The following MALT1 variants were observed in gnomAD, a reference collection of about 807,000 sequenced individuals.
MALT1 encodes the protein MALT1 paracaspase, also known as mucosa-associated lymphoid tissue lymphoma translocation protein 1.
Under a neutral mutation model 85.5 loss-of-function variants are expected in MALT1, and 36 were observed. The ratio of observed to expected loss-of-function variants is 0.42; its 90% CI spans 0.32 to 0.56. The LOEUF (loss-of-function observed/expected upper bound fraction) is 0.56, where lower values mean the gene tolerates loss of function less well. Ranked by LOEUF, MALT1 falls within the 20% of genes least tolerant of loss-of-function variation. The pLI, the probability that MALT1 is intolerant of heterozygous loss-of-function variation, is 0.10. For synonymous variants in MALT1, 359 were observed against 361.3 expected (o/e 0.99, Z 0.07); for missense variants, 716 against 981.6 (o/e 0.73, Z 3.62).
At chr18:58,687,754 G>A (rs1003910283) in intron 2 of MALT1, among the ~76,000 whole-genome samples, 39 of 152,334 alleles carry the variant, frequency 2.6e-4, no homozygotes, top group African/African-American at 9.4e-4. Context: ...GGGAAGCTAT[G>A]TGTCCTTTTG....
intron 10 of MALT1, among the ~76,000 whole-genome samples, chr18:58,732,198 G>A (rs2055159906): frequency 1.3e-5 from 2 of 152,086 alleles, no homozygotes; most frequent in African/African-American, 4.8e-5. Context: ...AATATTGAGA[G>A]AGCAAAATCA....
At chr18:58,700,346 C>T in intron 3 of MALT1, 95 bp from the exon 4 acceptor site, 1 of 986,972 alleles carries the variant, frequency 1.0e-6, no homozygotes. Flanking sequence ...GTTGCACTTT[C>T]AAAGCTTCAT....
At position 58,753,477 on chromosome 18, in the gene MALT1, G is replaced by A. The variant is rs2144139340; in HGVS notation, c.*5635G>A. The A allele has an allele frequency of 6.6e-6, 1 of 152,346 alleles. No homozygotes were observed. The highest frequency in any genetic ancestry group is 2.1e-4 in the South Asian group (1 of 4,818). 9.4% of individuals were successfully genotyped at this position (152,346 alleles called of 1,614,324 possible). ...CTGCCTCGGCCTCCCAAAGTGCTGG[G>A]ATTACAGGCGTGAGTCACCATGCCC... is the stretch of plus-strand genomic sequence containing the variant. On this transcript the variant is annotated 3_prime_UTR_variant, in exon 17 of 17. Coordinates refer to ENST00000649217, the MANE Select transcript of MALT1 (RefSeq NM_006785.4).
intron 12 of MALT1, chr18:58,734,645 G>T: frequency 2.8e-6 from 1 of 353,376 alleles, no homozygotes; most frequent in Non-Finnish European, 5.1e-6. Context: ...AGACATGTAG[G>T]CATAAATTTA....
At position 58,748,561 on chromosome 18, in the gene MALT1, T is replaced by C. The variant is rs1261185177; in HGVS notation, c.*719T>C. The C allele has an allele frequency of 5.3e-6, 1 of 188,024 alleles. No homozygotes were observed. The highest frequency in any genetic ancestry group is 6.2e-5 in the Admixed American group (1 of 16,170). The allele number at this position is 188,024 out of a possible 1,614,324, so 11.6% of individuals were successfully genotyped here. The stretch of plus-strand genomic sequence containing the variant: ...GATTATGAAACCACATGAGAAGTGA[T>C]AAAATGTTTGTTAAAGCTAGATAGA... On this transcript the variant is annotated 3_prime_UTR_variant, in exon 17 of 17. Coordinates refer to ENST00000649217, the MANE Select transcript of MALT1 (RefSeq NM_006785.4).
chr18:58,703,126 A>G (rs2054698209), intron 4 of MALT1, among the ~76,000 whole-genome samples: 1 of 152,168 alleles, frequency 6.6e-6, no homozygotes. Context: ...TGGGAGGCCG[A>G]GGCAGGCAGA....
Position 58,748,670 on chromosome 18 carries a change from G to A in MALT1, c.*828G>A, listed in dbSNP as rs62093496. On this transcript the variant is annotated 3_prime_UTR_variant, in exon 17 of 17. Coordinates refer to ENST00000649217, the MANE Select transcript of MALT1 (RefSeq NM_006785.4). ...TATTTAGCATCTTCCTTGATAATAT[G>A]TATTTTCTTCTTGAATTTCACTGGC... The A allele has an allele frequency of 0.1, 19,736 of 191,850 alleles. 1,304 individuals carry two copies. Among genetic ancestry groups the A allele is most frequent in the Admixed American group, 0.16 (2,597 of 16,284 alleles). The allele number at this position is 191,850 out of a possible 1,614,324, so 11.9% of individuals were successfully genotyped here.
At chr18:58,681,358 A>C (rs751046464) in intron 2 of MALT1, 22 bp downstream of exon 2, 1 of 1,601,874 alleles carries the variant, frequency 6.2e-7, no homozygotes, top group African/African-American at 1.3e-5. Flanking sequence ...TCTTAGGATT[A>C]TTCTCCAGGA....
chr18:58,741,293 TTCTTA>T (rs1472447210), intron 13 of MALT1: 1 of 152,168 alleles, frequency 6.6e-6, no homozygotes, highest in Non-Finnish European at 1.5e-5. Context: ...TTGGCTCATT[TTCTTA>T]TCTTTTTTAA....
chr18:58,694,422 T>C (rs1409461784), intron 2 of MALT1, among the ~76,000 whole-genome samples: 1 of 152,226 alleles, frequency 6.6e-6, no homozygotes, highest in African/African-American at 2.4e-5. Context: ...TTTGTTTCTT[T>C]GCATTGGTGG....
rs1474516655 is a variant in MALT1, at chr18:58,747,863, A to AGCATAATTTTAGATGCCTGTGAAAT, written c.*22_*46dup. ...AATGACCTCCTTGTTTTTGAAAGTT[A>AGCATAATTTTAGATGCCTGTGAAAT]GCATAATTTTAGATGCCTGTGAAAT... On this transcript the variant is annotated 3_prime_UTR_variant, in exon 17 of 17. Coordinates refer to ENST00000649217, the MANE Select transcript of MALT1 (RefSeq NM_006785.4). 1 of 1,597,990 alleles carries AGCATAATTTTAGATGCCTGTGAAAT rather than the reference A, an allele frequency of 6.3e-7. No homozygotes were observed. The highest frequency in any genetic ancestry group is 8.6e-7 in the Non-Finnish European group (1 of 1,169,392).
At chr18:58,688,438 A>G (rs2054440516) in intron 2 of MALT1, among the ~76,000 whole-genome samples, 1 of 150,358 alleles carries the variant, frequency 6.7e-6, no homozygotes, top group South Asian at 2.1e-4. Context: ...GTGTAATCCC[A>G]ACACTTTGGG....
At chr18:58,689,009 G>A (rs973829386) in intron 2 of MALT1, among the ~76,000 whole-genome samples, 6 of 152,146 alleles carry the variant, frequency 3.9e-5, no homozygotes, top group South Asian at 2.1e-4. Context: ...AAAATTAGCC[G>A]GGTATGGTGA....
chr18:58,739,799 G>GTACACACA (rs1349798793), intron 13 of MALT1, among the ~76,000 whole-genome samples: 2 of 106,622 alleles, frequency 1.9e-5, no homozygotes, highest in Non-Finnish European at 1.9e-5. Context: ...GTCCCTCTAT[G>GTACACACA]TACACACATA....
intron 13 of MALT1, chr18:58,741,638 A>C (rs553739477): frequency 6.2e-6 from 2 of 320,420 alleles, no homozygotes; most frequent in Non-Finnish European, 1.1e-5. Context: ...GTTGAATTCA[A>C]AAACCTAAAA....
At chr18:58,695,969 C>T (rs1448806355) in intron 2 of MALT1, among the ~76,000 whole-genome samples, 2 of 152,190 alleles carry the variant, frequency 1.3e-5, no homozygotes. Flanking sequence ...GCATTTATGA[C>T]CAAACATTTC....
intron 7 of MALT1, among the ~76,000 whole-genome samples, chr18:58,713,062 A>G (rs2054852883): frequency 6.6e-6 from 1 of 152,128 alleles, no homozygotes; most frequent in African/African-American, 2.4e-5. Flanking sequence ...TGACCTAAAT[A>G]ACTAAGTAAC....
At chr18:58,692,030 C>A (rs1261229989) in intron 2 of MALT1, 1 of 115,656 alleles carries the variant, frequency 8.6e-6, no homozygotes, top group African/African-American at 3.4e-5. Context: ...GGCGACGGAG[C>A]GAGACTCCGT....
chr18:58,671,823 G>T lies in MALT1; in HGVS notation c.180G>T (p.Leu60=). The change falls in exon 1 of 17, where the codon CTG becomes CTT. Residue 60 remains leucine (L), a synonymous_variant. Coordinates refer to ENST00000649217, the MANE Select transcript of MALT1 (RefSeq NM_006785.4). The part of the protein sequence containing the change: ...EGRGWRRLAE[L]AGSRGRLRLS... ...GGGGCTGGAGGAGACTGGCGGAGCT[G>T]GCGGGGAGTCGCGGGCGCCTCCGCC... The T allele has an allele frequency of 8.1e-7, 1 of 1,232,588 alleles. No individual in the cohort carries two copies. Among genetic ancestry groups the T allele is most frequent in the Non-Finnish European group, 1.0e-6 (1 of 988,430 alleles). 76.4% of individuals were successfully genotyped at this position (1,232,588 alleles called of 1,614,324 possible).
Sources: gnomAD v4.1 joint callset for allele counts (sites outside exome capture counted in the v4.1 genomes callset) on GRCh38, gnomAD v4.1.1 for gene constraint, MANE v1.5 for transcripts, NCBI Gene and HGNC (gene_info 2026-07-23, HGNC 2026-07-21) for gene names.